FBXO4: variants seen among roughly 807,000 people sequenced by gnomAD.
FBXO4 encodes the protein F-box protein 4.
Under a neutral mutation model 43.7 loss-of-function variants are expected in FBXO4, and 36 were observed. That is an observed-to-expected ratio of 0.82 (90% CI 0.63 to 1.09). The LOEUF (loss-of-function observed/expected upper bound fraction) is 1.09, where lower values mean the gene tolerates loss of function less well. FBXO4 is among the 50% of genes least tolerant of loss of function. The pLI is 0.00. For missense variants in FBXO4, 435 were observed against 474.1 expected, an observed-to-expected ratio of 0.92 and a Z score of 0.77; for synonymous variants, 180 against 165.6, an observed-to-expected ratio of 1.09 and a Z score of -0.67.
chr5:41,971,551 C>T, the FBXO4 span, among the ~76,000 whole-genome samples: 2 of 151,858 alleles, frequency 1.3e-5, no homozygotes, highest in African/African-American at 4.8e-5. Flanking sequence ...AGATAATCTT[C>T]CTGGAAATAA....
chr5:41,948,656 A>G, the FBXO4 span, among the ~76,000 whole-genome samples: 1 of 152,210 alleles, frequency 6.6e-6, no homozygotes, highest in Non-Finnish European at 1.5e-5. Context: ...TTTATCAGTC[A>G]ATAATCTTTA....
the FBXO4 span, among the ~76,000 whole-genome samples, chr5:42,006,223 C>G: frequency 1.3e-5 from 2 of 152,086 alleles, no homozygotes; most frequent in East Asian, 3.8e-4. Flanking sequence ...ACTGACATTT[C>G]CTCTTAATAT....
At chr5:41,995,238 G>GT in the FBXO4 span, among the ~76,000 whole-genome samples, 1 of 152,204 alleles carries the variant, frequency 6.6e-6, no homozygotes, top group Non-Finnish European at 1.5e-5. Context: ...AAGGCATTCC[G>GT]TGAGTCCATT....
At position 41,930,650 on chromosome 5, in the gene FBXO4, TTTTCTTTC is replaced by T. The variant is rs59530568; in HGVS notation, c.646+749_646+756del. Among the ~76,000 whole-genome samples, 4 of 150,416 alleles carry T rather than the reference TTTTCTTTC, an allele frequency of 2.7e-5. No individual in the cohort carries two copies. The East Asian group carries it at 7.7e-4, about 29-fold the overall frequency. On this transcript the variant is annotated intron_variant, in intron 3 of 6. Coordinates refer to ENST00000281623, the MANE Select transcript of FBXO4 (RefSeq NM_012176.3). Reference sequence around the variant, plus strand: ...GTTCCAGGCAGCGAGAACTACATTTTTTTCTTTCTTTCTTTCTTTCTTTTTTTTTTTTT... The same window carrying T: ...GTTCCAGGCAGCGAGAACTACATTTTTTTCTTTCTTTCTTTTTTTTTTTTT...
the FBXO4 span, among the ~76,000 whole-genome samples, chr5:42,004,410 G>C: frequency 5.9e-5 from 9 of 152,084 alleles, no homozygotes; most frequent in Non-Finnish European, 1.3e-4. Context: ...GTACAAAGGT[G>C]GGTATATTCG....
the FBXO4 span, among the ~76,000 whole-genome samples, chr5:41,984,493 C>G: frequency 6.6e-6 from 1 of 152,150 alleles, no homozygotes; most frequent in African/African-American, 2.4e-5. Context: ...AGGGCTCACT[C>G]TCTGACGTCT....
the FBXO4 span, chr5:41,967,044 G>T: frequency 1.1e-5 from 3 of 266,316 alleles, no homozygotes; most frequent in South Asian, 4.2e-5. Context: ...AACCATTTCA[G>T]TGGAAAAAAT....
the FBXO4 span, among the ~76,000 whole-genome samples, chr5:42,039,634 TC>T: frequency 6.6e-6 from 1 of 152,030 alleles, no homozygotes; most frequent in African/African-American, 2.4e-5. Context: ...TGTAAAACCC[TC>T]CTATTGAGTG....
chr5:41,934,509 C>G (rs1372517277), intron 5 of FBXO4: 2 of 1,393,176 alleles, frequency 1.4e-6, no homozygotes, highest in East Asian at 2.5e-5. Context: ...AACATGTTAA[C>G]AAGCTGATTC....
chr5:41,939,223 G>GT (rs1751933069), intron 5 of FBXO4: 2 of 399,578 alleles, frequency 5.0e-6, no homozygotes, highest in Non-Finnish European at 8.9e-6. Context: ...GAATGAAAGG[G>GT]TAGTGACATC....
At chr5:41,969,886 G>A in the FBXO4 span, among the ~76,000 whole-genome samples, 4 of 152,196 alleles carry the variant, frequency 2.6e-5, 1 homozygote, top group Admixed American at 2.6e-4. Context: ...AAAAGGTGGG[G>A]ATAAGAGTGA....
At chr5:41,996,187 G>A in the FBXO4 span, among the ~76,000 whole-genome samples, 4 of 152,116 alleles carry the variant, frequency 2.6e-5, no homozygotes, top group Admixed American at 6.6e-5. Context: ...GGACCTGCTC[G>A]AGCCTGATCA....
chr5:42,002,697 T>A, the FBXO4 span, among the ~76,000 whole-genome samples: 1 of 152,224 alleles, frequency 6.6e-6, no homozygotes, highest in Admixed American at 6.5e-5. Flanking sequence ...TGTCTCTATA[T>A]CTATCTATAT....
the FBXO4 span, among the ~76,000 whole-genome samples, chr5:42,014,249 G>A: frequency 0.068 from 10,368 of 152,078 alleles, 390 homozygotes; most frequent in Middle Eastern, 0.12. Flanking sequence ...TTAAACATCC[G>A]CTACCCCCAT....
chr5:41,989,920 A>G, the FBXO4 span, among the ~76,000 whole-genome samples: 1 of 152,182 alleles, frequency 6.6e-6, no homozygotes, highest in African/African-American at 2.4e-5. Context: ...CAAAACTAGG[A>G]CTGGGGAAAT....
intron 6 of FBXO4, among the ~76,000 whole-genome samples, chr5:41,940,098 G>C (rs976273548): frequency 6.6e-6 from 1 of 151,648 alleles, no homozygotes; most frequent in African/African-American, 2.4e-5. Flanking sequence ...CCATCTGCCT[G>C]CCTCGGCCTC....
the FBXO4 span, among the ~76,000 whole-genome samples, chr5:41,954,517 A>C: frequency 6.6e-6 from 1 of 152,182 alleles, no homozygotes; most frequent in Non-Finnish European, 1.5e-5. Flanking sequence ...GAATCATATA[A>C]TCATAATGCA....
At chr5:41,995,331 C>T in the FBXO4 span, among the ~76,000 whole-genome samples, 1 of 152,158 alleles carries the variant, frequency 6.6e-6, no homozygotes, top group African/African-American at 2.4e-5. Context: ...GAGGATAAAC[C>T]TCTGCCCTTT....
chr5:41,956,773 C>T, the FBXO4 span, among the ~76,000 whole-genome samples: 114 of 145,812 alleles, frequency 7.8e-4, no homozygotes, highest in African/African-American at 2.7e-3. Flanking sequence ...AGTGCAGTGG[C>T]GAGATCTCAG....
Sources: allele counts gnomAD v4.1 joint callset (sites outside exome capture counted in the v4.1 genomes callset), GRCh38; gene constraint gnomAD v4.1.1; transcripts MANE v1.5; gene names NCBI Gene and HGNC (gene_info 2026-07-23, HGNC 2026-07-21).